The following C1orf21 variants were observed in gnomAD, a reference collection of about 807,000 sequenced individuals.
C1orf21 encodes the protein uncharacterized protein C1orf21.
A neutral mutation model predicts 18.7 loss-of-function variants in C1orf21; 3 were observed. The ratio of observed to expected loss-of-function variants is 0.16; its 90% CI spans 0.07 to 0.42. The LOEUF (loss-of-function observed/expected upper bound fraction) is 0.42. Ranked by LOEUF, C1orf21 falls within the 10% of genes least tolerant of loss-of-function variation. The pLI is 0.99. For missense variants in C1orf21, 104 were observed against 143.6 expected (o/e 0.72, Z 1.41); for synonymous variants, 41 against 46.4 (o/e 0.88, Z 0.47).
chr1:184,471,537 A>G (rs1274031634), intron 1 of C1orf21, among the ~76,000 whole-genome samples: 2 of 152,124 alleles, frequency 1.3e-5, no homozygotes, highest in Admixed American at 1.3e-4. Context: ...AGAGGCCGAG[A>G]GACATGAAAC....
intron 5 of C1orf21, among the ~76,000 whole-genome samples, chr1:184,607,665 A>ATG (rs1441050627): frequency 6.7e-6 from 1 of 149,892 alleles, no homozygotes; most frequent in Non-Finnish European, 1.5e-5. Flanking sequence ...ATACATATAT[A>ATG]TGTGTGTATA....
At chr1:184,516,662 G>T (rs747537678) in intron 3 of C1orf21, among the ~76,000 whole-genome samples, 5 of 152,200 alleles carry the variant, frequency 3.3e-5, no homozygotes, top group Non-Finnish European at 5.9e-5. Flanking sequence ...GAAGCCCTTG[G>T]TAAAACCATC....
intron 4 of C1orf21, among the ~76,000 whole-genome samples, chr1:184,591,141 G>T (rs1220091508): frequency 6.6e-6 from 1 of 152,132 alleles, no homozygotes; most frequent in East Asian, 1.9e-4. Context: ...TATCTGCAGG[G>T]AGGTCATGGA....
chr1:184,570,046 A>G (rs1659087867), intron 3 of C1orf21, among the ~76,000 whole-genome samples: 1 of 152,234 alleles, frequency 6.6e-6, no homozygotes, highest in Non-Finnish European at 1.5e-5. Context: ...AAAAGCTGCC[A>G]CTTAGTTATG....
chr1:184,395,922 A>G (rs1455777036), intron 1 of C1orf21, among the ~76,000 whole-genome samples: 1 of 152,194 alleles, frequency 6.6e-6, no homozygotes, highest in Non-Finnish European at 1.5e-5. Context: ...ACTGGGGACT[A>G]ACACTGGTTT....
intron 3 of C1orf21, among the ~76,000 whole-genome samples, chr1:184,539,416 A>G (rs184326965): frequency 1.3e-5 from 2 of 152,286 alleles, no homozygotes; most frequent in Admixed American, 6.5e-5. Flanking sequence ...GGATTTTTGC[A>G]TCAATGTTCA....
chr1:184,578,613 C>G (rs553923150), intron 3 of C1orf21, among the ~76,000 whole-genome samples: 1 of 152,222 alleles, frequency 6.6e-6, no homozygotes, highest in South Asian at 2.1e-4. Context: ...CAGTTTAAAT[C>G]ATCAATACAG....
chr1:184,448,537 A>C (rs1214252114), intron 1 of C1orf21, among the ~76,000 whole-genome samples: 1 of 152,200 alleles, frequency 6.6e-6, no homozygotes, highest in Non-Finnish European at 1.5e-5. Flanking sequence ...TGAACTAACC[A>C]GTTAGGACTA....
At position 184,469,391 on chromosome 1, in the gene C1orf21, A is replaced by G. The variant is rs1274916998; in HGVS notation, c.-124-7995A>G. On this transcript the variant is annotated intron_variant, in intron 1 of 5. Transcript: ENST00000235307. ...CAGCTTAAGGCTGAGATTACAAGTC[A>G]TGCTAGCAGTAAACTAAGGGATTGA... is the stretch of plus-strand genomic sequence containing the variant. Among the ~76,000 whole-genome samples the G allele has an allele frequency of 3.9e-5, 6 of 152,240 alleles. No homozygotes were observed. The East Asian group carries it at 7.7e-4, about 20-fold the overall frequency.
intron 3 of C1orf21, among the ~76,000 whole-genome samples, 165 bp from the exon 4 acceptor site, chr1:184,590,574 A>G (rs1039944527): frequency 3.9e-5 from 6 of 152,158 alleles, no homozygotes; most frequent in African/African-American, 9.7e-5. Flanking sequence ...GGCAGGTTCT[A>G]CCTGTTCTGT....
intron 3 of C1orf21, among the ~76,000 whole-genome samples, chr1:184,555,522 C>T (rs1310455697): frequency 7.0e-6 from 1 of 141,890 alleles, no homozygotes; most frequent in African/African-American, 2.7e-5. Context: ...ATAGCACACA[C>T]ACCCCCACAC....
intron 1 of C1orf21, among the ~76,000 whole-genome samples, chr1:184,457,662 T>A (rs1308731668): frequency 6.6e-6 from 1 of 152,142 alleles, no homozygotes; most frequent in Non-Finnish European, 1.5e-5. Flanking sequence ...TTGGTGCCTC[T>A]CCGATGGGTA....
chr1:184,560,828 A>T lies in C1orf21; in HGVS notation c.190-29911A>T, dbSNP rs147799464. ...GAAATTAATTCTTCACTTTACATTG[A>T]ATGATTCTTTGATCATGGATTAATG... On this transcript the variant is annotated intron_variant, in intron 3 of 5. Transcript: ENST00000235307. Among the ~76,000 whole-genome samples the T allele has an allele frequency of 7.7e-3, 1,167 of 152,308 alleles. 6 individuals carry two copies. Among genetic ancestry groups the T allele is most frequent in the Middle Eastern group, 0.02 (6 of 294 alleles).
At chr1:184,548,094 C>T (rs989721572) in intron 3 of C1orf21, among the ~76,000 whole-genome samples, 3 of 152,098 alleles carry the variant, frequency 2.0e-5, no homozygotes, top group Non-Finnish European at 2.9e-5. Flanking sequence ...CCTTGTTATA[C>T]CTTCTGGTAC....
rs570237523 is a variant in C1orf21 at position 184,627,273 on chromosome 1, G to C, written c.*7717G>C. On this transcript the variant is annotated 3_prime_UTR_variant, in exon 6 of 6. Coordinates refer to ENST00000235307, the MANE Select transcript of C1orf21 (RefSeq NM_030806.4). Reference sequence around the variant, plus strand: ...CTTTTAGGTTTTCCAAATAACCTCGGAGTTCAGAGCATTGGGTTTTTTTCT... The same window carrying C: ...CTTTTAGGTTTTCCAAATAACCTCGCAGTTCAGAGCATTGGGTTTTTTTCT... 39 of 152,156 alleles carry C rather than the reference G, an allele frequency of 2.6e-4. No homozygotes were observed. Among genetic ancestry groups the C allele is most frequent in the African/African-American group, 9.2e-4 (38 of 41,526 alleles). 9.4% of individuals were successfully genotyped at this position (152,156 alleles called of 1,614,324 possible).
chr1:184,434,015 C>T (rs1402824796), intron 1 of C1orf21, among the ~76,000 whole-genome samples: 1 of 152,134 alleles, frequency 6.6e-6, no homozygotes, highest in Non-Finnish European at 1.5e-5. Context: ...GTGCTCCATT[C>T]CCAGGGCTCT....
In C1orf21 at chr1:184,619,638, C is replaced by T; in HGVS notation, c.*82C>T. 7.5e-7 allele frequency: 1 copy of T among 1,338,836 alleles called. No individual in the cohort carries two copies. The highest frequency in any genetic ancestry group is 1.1e-6 in the Non-Finnish European group (1 of 947,476). 82.9% of individuals were successfully genotyped at this position (1,338,836 alleles called of 1,614,324 possible). A position where few individuals can be genotyped will look rare whatever the true frequency, so the allele number is the denominator to read the frequency against. On this transcript the variant is annotated 3_prime_UTR_variant, in exon 6 of 6. Coordinates refer to ENST00000235307, the MANE Select transcript of C1orf21 (RefSeq NM_030806.4). ...GTTGAAATCTTTGCAAAGGTCGGTT[C>T]TATTCAGCGAACAGCACTATAGCAA...
intron 3 of C1orf21, among the ~76,000 whole-genome samples, chr1:184,526,900 C>T (rs1658385199): frequency 6.6e-6 from 1 of 152,168 alleles, no homozygotes; most frequent in Non-Finnish European, 1.5e-5. Context: ...GTAAAACCCG[C>T]AGTCCCGTCC....
intron 1 of C1orf21, among the ~76,000 whole-genome samples, chr1:184,473,665 C>T (rs796774289): frequency 6.6e-6 from 1 of 152,110 alleles, no homozygotes; most frequent in Non-Finnish European, 1.5e-5. Context: ...AAAAGAGATA[C>T]AAATCAGGGA....
Sources: gnomAD v4.1 joint callset for allele counts (sites outside exome capture counted in the v4.1 genomes callset) on GRCh38, gnomAD v4.1.1 for gene constraint, MANE v1.5 for transcripts, NCBI Gene and HGNC (gene_info 2026-07-23, HGNC 2026-07-21) for gene names.